The following SLC7A14 variants were observed in gnomAD, a reference collection of about 807,000 sequenced individuals.
The protein encoded by SLC7A14 is solute carrier family 7 member 14.
A neutral mutation model predicts 60.2 loss-of-function variants in SLC7A14; 37 were observed. The ratio of observed to expected loss-of-function variants is 0.61; its 90% CI spans 0.47 to 0.81. The LOEUF is 0.81. SLC7A14 is among the 30% of genes least tolerant of loss of function. The probability of loss-of-function intolerance (pLI) is 0.00; values close to 1 mark genes in which losing one functional copy is unlikely to be tolerated. For synonymous variants in SLC7A14, 399 were observed against 395.8 expected (o/e 1.01, Z -0.10); for missense variants, 886 against 982.7 (o/e 0.90, Z 1.32).
chr3:170,505,364 G>T (rs1371840454), intron 2 of SLC7A14, among the ~76,000 whole-genome samples: 1 of 152,148 alleles, frequency 6.6e-6, no homozygotes, highest in South Asian at 2.1e-4. Flanking sequence ...GTCTCCTAAT[G>T]TACGCATGCC....
chr3:170,473,057 A>C (rs62293534), intron 7 of SLC7A14, among the ~76,000 whole-genome samples: 7 of 152,036 alleles, frequency 4.6e-5, no homozygotes, highest in Non-Finnish European at 7.4e-5. Context: ...ATTGGGACTC[A>C]TATCTCTTAA....
At position 170,488,788 on chromosome 3, in the gene SLC7A14, G is replaced by A. The variant is rs532362749; in HGVS notation, c.760-2420C>T. Reference sequence around the variant, plus strand: ...GAAAATCTTCAGGACATTGGTCTGGGCAAAAATTTCTTGAGCAATACCCCA... The same window carrying A: ...GAAAATCTTCAGGACATTGGTCTGGACAAAAATTTCTTGAGCAATACCCCA... On this transcript the variant is annotated intron_variant, in intron 4 of 7. Transcript: ENST00000231706. Among the ~76,000 whole-genome samples the A allele has an allele frequency of 2.0e-4, 30 of 152,290 alleles. 1 individual carries two copies. The South Asian group carries it at 4.1e-3, about 21-fold the overall frequency.
At chr3:170,530,543 G>A (rs1225581750) in intron 1 of SLC7A14, among the ~76,000 whole-genome samples, 3 of 152,244 alleles carry the variant, frequency 2.0e-5, no homozygotes, top group Admixed American at 2.0e-4. Flanking sequence ...GGTCAGCCAA[G>A]ATAACAGGGA....
At chr3:170,485,807 GC>G (rs1367406012) in intron 5 of SLC7A14, among the ~76,000 whole-genome samples, 6 of 152,266 alleles carry the variant, frequency 3.9e-5, no homozygotes, top group African/African-American at 1.4e-4. Flanking sequence ...AGGGAGCCTC[GC>G]CTCTTTGCTG....
At position 170,483,362 on chromosome 3, in the gene SLC7A14, G is replaced by A. The variant is rs371104588; in HGVS notation, c.1067C>T (p.Pro356Leu). The change falls in exon 6 of 8, where the codon CCG (proline) becomes CTG (leucine). Residue 356 changes from proline to leucine, a missense_variant. Transcript: ENST00000231706. ...LTVSLLGSLFPMPRVIYAMAG... is the reference protein window; with the variant it reads ...LTVSLLGSLFLMPRVIYAMAG... Reference sequence around the variant, plus strand: ...CATGGCATAAATGACCCTCGGCATCGGGAAGAGGGACCCCAGCAAGCTGAC... The same window carrying A: ...CATGGCATAAATGACCCTCGGCATCAGGAAGAGGGACCCCAGCAAGCTGAC... 28 of 1,614,028 alleles carry A rather than the reference G, an allele frequency of 1.7e-5. No individual in the cohort carries two copies. Among genetic ancestry groups the A allele is most frequent in the Admixed American group, 8.3e-5 (5 of 60,004 alleles).
At chr3:170,484,589 A>C (rs1711957395) in intron 5 of SLC7A14, among the ~76,000 whole-genome samples, 1 of 152,228 alleles carries the variant, frequency 6.6e-6, no homozygotes, top group African/African-American at 2.4e-5. Context: ...TGAAGGAAAG[A>C]GGGTGGTCAC....
At chr3:170,523,383 G>A (rs992599427) in intron 2 of SLC7A14, among the ~76,000 whole-genome samples, 1 of 151,978 alleles carries the variant, frequency 6.6e-6, no homozygotes, top group African/African-American at 2.4e-5. Flanking sequence ...TATTTTTATT[G>A]CAATGATATC....
intron 1 of SLC7A14, among the ~76,000 whole-genome samples, chr3:170,581,249 T>C (rs1251395224): frequency 6.6e-6 from 1 of 152,196 alleles, no homozygotes; most frequent in Admixed American, 6.5e-5. Flanking sequence ...CTCATTTCAA[T>C]TTGTAATTAG....
chr3:170,525,364 T>A (rs1456265787), intron 2 of SLC7A14, among the ~76,000 whole-genome samples: 2 of 152,212 alleles, frequency 1.3e-5, no homozygotes, highest in African/African-American at 4.8e-5. Flanking sequence ...TGCACCTTAT[T>A]TTTAAAAATG....
At chr3:170,483,885 C>G (rs1026098814) in intron 5 of SLC7A14, among the ~76,000 whole-genome samples, 1 of 152,182 alleles carries the variant, frequency 6.6e-6, no homozygotes, top group African/African-American at 2.4e-5. Context: ...GCCCTGCAAC[C>G]AGGGCCTGGC....
chr3:170,514,104 A>G (rs1713073565), intron 2 of SLC7A14, among the ~76,000 whole-genome samples: 1 of 152,186 alleles, frequency 6.6e-6, no homozygotes, highest in Non-Finnish European at 1.5e-5. Context: ...TGCCAGGGCA[A>G]GTGTCAGGAG....
chr3:170,486,461 C>T (rs1712035302), intron 4 of SLC7A14, 93 bp from the exon 5 acceptor site: 2 of 1,519,990 alleles, frequency 1.3e-6, no homozygotes, highest in Admixed American at 1.7e-5. Flanking sequence ...GCCCTGCAGA[C>T]ATGACTGAGT....
intron 1 of SLC7A14, among the ~76,000 whole-genome samples, chr3:170,551,309 A>G (rs1283624989): frequency 6.6e-6 from 1 of 152,194 alleles, no homozygotes; most frequent in Non-Finnish European, 1.5e-5. Flanking sequence ...TTCAGTTGAT[A>G]CCATTTGGAT....
intron 7 of SLC7A14, among the ~76,000 whole-genome samples, chr3:170,470,308 A>ATGTGTGTGTGTGTGTG (rs60682275): frequency 0.049 from 7,017 of 143,552 alleles, 286 homozygotes; most frequent in East Asian, 0.13. Context: ...TGGAAGGAAC[A>ATGTGTGTGTGTGTGTG]TGTGTGTGTG....
intron 1 of SLC7A14, chr3:170,570,119 G>C (rs1714905287): frequency 6.6e-6 from 1 of 152,026 alleles, no homozygotes; most frequent in Admixed American, 6.6e-5. Context: ...TGCTAGGAAA[G>C]GCTTGATGTT....
chr3:170,480,726 C>G lies in SLC7A14; in HGVS notation c.1556G>C (p.Gly519Ala). The change falls in exon 7 of 8, where the codon GGC (glycine) becomes GCC (alanine). Residue 519 changes from glycine to alanine, a missense_variant. Physicochemically the swap from Gly to Ala is moderately conservative, Grantham distance 60. Transcript: ENST00000231706. ...ATTTTCGGATTCATCAGCTTCTATG[C>G]CTGTGGTCATGTCCACGGTGCCGTA... ...PNYGTVDMTT[G>A]IEADESENIY... 3.1e-6 allele frequency: 5 copies of G among 1,614,200 alleles called. No individual in the cohort carries two copies. The highest frequency in any genetic ancestry group is 4.2e-6 in the Non-Finnish European group (5 of 1,180,038).
In SLC7A14 at chr3:170,480,271, C is replaced by A; in HGVS notation, c.1993+18G>T. 6.6e-7 allele frequency: 1 copy of A among 1,518,142 alleles called. No homozygotes were observed. Among genetic ancestry groups the A allele is most frequent in the Admixed American group, 2.2e-5 (1 of 44,586 alleles). The allele number at this position is 1,518,142 out of a possible 1,614,324, so 94.0% of individuals were successfully genotyped here. The stretch of plus-strand genomic sequence containing the variant: ...ACCTTAAAAGGGAACTCTTAAGGCT[C>A]CAAAGGAAGTTGCTTACCCACAAAG... On this transcript the variant is annotated intron_variant, in intron 7 of 7. Transcript: ENST00000231706.
intron 1 of SLC7A14, among the ~76,000 whole-genome samples, chr3:170,555,763 G>A (rs1019457734): frequency 1.3e-5 from 2 of 152,116 alleles, no homozygotes; most frequent in South Asian, 2.1e-4. Context: ...ATGGGACCAC[G>A]GTTGTATATG....
chr3:170,504,054 G>A (rs1306751296), intron 2 of SLC7A14, among the ~76,000 whole-genome samples: 3 of 152,172 alleles, frequency 2.0e-5, no homozygotes, highest in Non-Finnish European at 2.9e-5. Flanking sequence ...TGGACACACT[G>A]TAAAAGATCT....
Sources: gnomAD v4.1 joint callset for allele counts (sites outside exome capture counted in the v4.1 genomes callset) on GRCh38, gnomAD v4.1.1 for gene constraint, MANE v1.5 for transcripts, NCBI Gene and HGNC (gene_info 2026-07-23, HGNC 2026-07-21) for gene names.